Variants in XKR6 observed in about 807,000 individuals in gnomAD.
XKR6 encodes XK related 6, also known as XK-related protein 6.
XKR6 carries 22 observed loss-of-function variants against 56.7 expected under a neutral mutation model. The ratio of observed to expected loss-of-function variants is 0.39; its 90% confidence interval spans 0.28 to 0.55. XKR6 has a LOEUF of 0.55. Among genes scored for constraint, XKR6 ranks in the 20% least tolerant of loss-of-function variants. The probability of loss-of-function intolerance (pLI) is 0.66; values close to 1 mark genes in which losing one functional copy is unlikely to be tolerated. For synonymous variants in XKR6, 524 were observed against 387.8 expected, an observed-to-expected ratio of 1.35 and a Z score of -4.13; for missense variants, 852 against 889.0, an observed-to-expected ratio of 0.96 and a Z score of 0.53.
At chr8:11,068,425 G>C (rs1800035299) in intron 1 of XKR6, among the ~76,000 whole-genome samples, 1 of 152,212 alleles carries the variant, frequency 6.6e-6, no homozygotes, top group African/African-American at 2.4e-5. Flanking sequence ...TCCTGACACA[G>C]ATGTTTGGGA....
At chr8:11,168,966 T>C (rs911587499) in intron 1 of XKR6, among the ~76,000 whole-genome samples, 11 of 152,200 alleles carry the variant, frequency 7.2e-5, no homozygotes, top group Admixed American at 6.5e-5. Flanking sequence ...TTGGACATGA[T>C]TTGGACTGTT....
At chr8:11,141,857 G>A (rs564861046) in intron 1 of XKR6, among the ~76,000 whole-genome samples, 3 of 152,118 alleles carry the variant, frequency 2.0e-5, no homozygotes, top group Non-Finnish European at 4.4e-5. Flanking sequence ...TATCTTTGGT[G>A]GAGTAGGGAG....
Position 11,096,083 on chromosome 8 carries a change from A to G in XKR6, c.764+104493T>C, listed in dbSNP as rs1455428475. On this transcript the variant is annotated intron_variant, in intron 1 of 2. Coordinates refer to ENST00000416569, the MANE Select transcript of XKR6 (RefSeq NM_173683.4). The stretch of plus-strand genomic sequence containing the variant: ...AGCTAAAGAATAAATGAGGGAAAAT[A>G]TATGTACCAGTGACAAAAGTTAATA... Among the ~76,000 whole-genome samples, 4 of 152,390 alleles carry G rather than the reference A, an allele frequency of 2.6e-5. No individual in the cohort carries two copies. In the East Asian group the frequency reaches 7.7e-4, roughly 29 times the overall value.
intron 1 of XKR6, among the ~76,000 whole-genome samples, chr8:11,192,418 G>A (rs1238553178): frequency 2.0e-5 from 3 of 152,100 alleles, no homozygotes; most frequent in African/African-American, 7.2e-5. Flanking sequence ...AAAGTGCTGG[G>A]ATTACAGACG....
chr8:11,072,782 AG>A (rs1363428294), intron 1 of XKR6, among the ~76,000 whole-genome samples: 2 of 149,592 alleles, frequency 1.3e-5, no homozygotes, highest in African/African-American at 5.0e-5. Context: ...CAGGCAAGGT[AG>A]CTCAAGCCTA....
chr8:11,044,309 A>G (rs1015373110), intron 1 of XKR6, among the ~76,000 whole-genome samples: 1 of 152,226 alleles, frequency 6.6e-6, no homozygotes, highest in Admixed American at 6.5e-5. Flanking sequence ...GCGTGCATGC[A>G]TTCCCCCTTC....
intron 1 of XKR6, among the ~76,000 whole-genome samples, chr8:11,031,191 G>C (rs951619087): frequency 2.0e-5 from 3 of 152,224 alleles, no homozygotes; most frequent in South Asian, 2.1e-4. Flanking sequence ...TATTGGGAGA[G>C]AAAATGCTTA....
intron 1 of XKR6, among the ~76,000 whole-genome samples, chr8:10,947,351 T>C (rs544886512): frequency 2.8e-4 from 43 of 152,254 alleles, no homozygotes; most frequent in Non-Finnish European, 5.1e-4. Flanking sequence ...CAGGAGCCCA[T>C]GTGCGTGTCT....
intron 1 of XKR6, among the ~76,000 whole-genome samples, chr8:11,139,943 C>T (rs1020156273): frequency 1.3e-5 from 2 of 152,052 alleles, no homozygotes; most frequent in African/African-American, 2.4e-5. Flanking sequence ...GAAAATGATA[C>T]AAGCCATGAA....
intron 1 of XKR6, among the ~76,000 whole-genome samples, chr8:10,989,759 T>A (rs897122349): frequency 2.0e-5 from 3 of 152,216 alleles, no homozygotes; most frequent in African/African-American, 7.2e-5. Context: ...ATTAATAACA[T>A]TTTGGTGACA....
At chr8:11,107,194 A>ATTT (rs562010935) in intron 1 of XKR6, among the ~76,000 whole-genome samples, 5 of 144,574 alleles carry the variant, frequency 3.5e-5, no homozygotes, top group Admixed American at 7.0e-5. Flanking sequence ...CAGGATTCCA[A>ATTT]TTTTTTTTTT....
chr8:11,072,293 G>C (rs1331494173), intron 1 of XKR6, among the ~76,000 whole-genome samples: 1 of 149,588 alleles, frequency 6.7e-6, no homozygotes. Context: ...CTCTGTTTTG[G>C]TAAGGTCTGC....
At chr8:10,974,858 G>C (rs1005105421) in intron 1 of XKR6, among the ~76,000 whole-genome samples, 1 of 152,174 alleles carries the variant, frequency 6.6e-6, no homozygotes, top group Non-Finnish European at 1.5e-5. Flanking sequence ...ATTTCAGCCG[G>C]GGAAGGTGAA....
chr8:11,192,838 G>A (rs1215904260), intron 1 of XKR6, among the ~76,000 whole-genome samples: 2 of 152,152 alleles, frequency 1.3e-5, no homozygotes, highest in Non-Finnish European at 2.9e-5. Flanking sequence ...TGCCACACTT[G>A]AAGAAACACA....
At chr8:11,052,475 G>A (rs1261165773) in intron 1 of XKR6, among the ~76,000 whole-genome samples, 1 of 152,196 alleles carries the variant, frequency 6.6e-6, no homozygotes, top group African/African-American at 2.4e-5. Flanking sequence ...GACCGACACT[G>A]GCTGGCATCT....
intron 1 of XKR6, among the ~76,000 whole-genome samples, chr8:10,946,508 G>T (rs1266634221): frequency 6.6e-6 from 1 of 151,896 alleles, no homozygotes; most frequent in Non-Finnish European, 1.5e-5. Context: ...ACACTAAGGA[G>T]GTTCTTCATC....
At chr8:11,167,457 T>C (rs1802136672) in intron 1 of XKR6, among the ~76,000 whole-genome samples, 1 of 152,102 alleles carries the variant, frequency 6.6e-6, no homozygotes, top group South Asian at 2.1e-4. Flanking sequence ...TCAAAACTCA[T>C]CCAGGCTGGA....
At chr8:11,051,738 G>A (rs1457069806) in intron 1 of XKR6, among the ~76,000 whole-genome samples, 1 of 152,106 alleles carries the variant, frequency 6.6e-6, no homozygotes, top group Admixed American at 6.5e-5. Context: ...CCAGAATGAA[G>A]GATTTGAGGT....
chr8:10,923,521 C>T (rs902084049), intron 2 of XKR6, among the ~76,000 whole-genome samples: 3 of 152,260 alleles, frequency 2.0e-5, no homozygotes, highest in African/African-American at 7.2e-5. Context: ...ACAGCTCAGT[C>T]TTCCACTGGC....
Sources: gnomAD v4.1 joint callset for allele counts (sites outside exome capture counted in the v4.1 genomes callset) on GRCh38, gnomAD v4.1.1 for gene constraint, MANE v1.5 for transcripts, NCBI Gene and HGNC (gene_info 2026-07-23, HGNC 2026-07-21) for gene names.